Variants in ACTR3C observed in about 807,000 individuals in gnomAD.
The protein encoded by ACTR3C is actin-related protein 3C.
ACTR3C carries 18 observed loss-of-function variants against 26.3 expected under a neutral mutation model. The ratio of observed to expected loss-of-function variants is 0.68; its 90% CI spans 0.47 to 1.01. The LOEUF is 1.01. Among genes scored for constraint, ACTR3C ranks in the 50% least tolerant of loss-of-function variants. ACTR3C has a pLI of 0.00. For missense variants in ACTR3C, 184 were observed against 250.7 expected (o/e 0.73, Z 1.80); for synonymous variants, 55 against 94.5 (o/e 0.58, Z 2.42).
At chr7:150,184,758 T>C in the ACTR3C span, among the ~76,000 whole-genome samples, 1 of 149,216 alleles carries the variant, frequency 6.7e-6, no homozygotes, top group East Asian at 1.9e-4. Context: ...CTAAGGGGGT[T>C]TGAGCTCACA....
the ACTR3C span, among the ~76,000 whole-genome samples, chr7:150,178,354 C>T: frequency 3.4e-4 from 51 of 148,538 alleles, no homozygotes; most frequent in East Asian, 9.7e-3. Context: ...ACGATCTCAG[C>T]TCACTCCAAC....
the ACTR3C span, among the ~76,000 whole-genome samples, chr7:150,209,280 GAC>G: frequency 7.0e-6 from 1 of 142,570 alleles, no homozygotes; most frequent in African/African-American, 3.0e-5. Flanking sequence ...GAGAGAGAGA[GAC>G]AGAAACAGAG....
the ACTR3C span, among the ~76,000 whole-genome samples, chr7:149,943,784 A>G: frequency 6.8e-6 from 1 of 147,150 alleles, no homozygotes; most frequent in Non-Finnish European, 1.5e-5. Flanking sequence ...TTTGTTTTCT[A>G]TAATCCCAGA....
At chr7:150,008,067 T>G in the ACTR3C span, among the ~76,000 whole-genome samples, 1 of 152,154 alleles carries the variant, frequency 6.6e-6, no homozygotes, top group African/African-American at 2.4e-5. Context: ...AAGAAAAAAA[T>G]CACAATTCCT....
the ACTR3C span, among the ~76,000 whole-genome samples, chr7:150,189,434 C>T: frequency 1.3e-5 from 2 of 151,786 alleles, no homozygotes; most frequent in South Asian, 2.1e-4. Flanking sequence ...AACTCACCCT[C>T]ATGTTGTACA....
At chr7:150,085,212 C>G in the ACTR3C span, among the ~76,000 whole-genome samples, 2 of 152,172 alleles carry the variant, frequency 1.3e-5, no homozygotes, top group Non-Finnish European at 1.5e-5. Context: ...TTGCAGTTCA[C>G]TTACGAAGAT....
the ACTR3C span, among the ~76,000 whole-genome samples, chr7:150,231,578 CA>C: frequency 4.0e-5 from 6 of 150,230 alleles, no homozygotes; most frequent in Non-Finnish European, 8.9e-5. Flanking sequence ...AACTGTGAGC[CA>C]AATAAACCTC....
intron 1 of ACTR3C, among the ~76,000 whole-genome samples, chr7:150,307,011 T>C: frequency 6.6e-6 from 1 of 151,846 alleles, no homozygotes; most frequent in East Asian, 1.9e-4. Flanking sequence ...ATATAGATTA[T>C]GGTTTCATAT....
intron 1 of ACTR3C, among the ~76,000 whole-genome samples, chr7:150,297,973 G>A (rs1173591960): frequency 1.1e-4 from 16 of 145,580 alleles, no homozygotes; most frequent in Admixed American, 5.4e-4. Flanking sequence ...AAGAAGGAGA[G>A]AGTGTAAAGA....
At chr7:149,930,952 G>A in the ACTR3C span, among the ~76,000 whole-genome samples, 4 of 152,122 alleles carry the variant, frequency 2.6e-5, no homozygotes, top group African/African-American at 9.7e-5. Context: ...TGCAACCTCC[G>A]CCTCCTGGGT....
the ACTR3C span, chr7:150,047,824 T>G: frequency 6.6e-7 from 1 of 1,525,292 alleles, no homozygotes; most frequent in African/African-American, 1.4e-5. Context: ...GTGTTGATCT[T>G]GCCGGTGAAC....
At chr7:150,221,993 G>A in the ACTR3C span, among the ~76,000 whole-genome samples, 17 of 65,162 alleles carry the variant, frequency 2.6e-4, no homozygotes, top group Admixed American at 1.8e-4. Flanking sequence ...GAGAGACTCC[G>A]TCTCCAAAAA....
the ACTR3C span, among the ~76,000 whole-genome samples, chr7:150,198,761 G>T: frequency 1.6e-5 from 2 of 126,122 alleles, no homozygotes; most frequent in Non-Finnish European, 3.1e-5. Context: ...GTGGGGGGGG[G>T]TCAGCCCCCC....
At chr7:150,310,031 TC>T (rs1796164737) in intron 1 of ACTR3C, among the ~76,000 whole-genome samples, 1 of 152,132 alleles carries the variant, frequency 6.6e-6, no homozygotes, top group Non-Finnish European at 1.5e-5. Flanking sequence ...CTCTTAAAAT[TC>T]CCCCACTCTG....
chr7:150,047,627 G>A, the ACTR3C span: 1 of 1,042,528 alleles, frequency 9.6e-7, no homozygotes, highest in Non-Finnish European at 1.2e-6. Flanking sequence ...TGTCACCATC[G>A]CTCCGCGCCT....
the ACTR3C span, among the ~76,000 whole-genome samples, chr7:149,970,948 A>G: frequency 4.3e-4 from 65 of 152,312 alleles, no homozygotes; most frequent in East Asian, 0.011. Flanking sequence ...TAAGAACTGC[A>G]TTTGGTTCTT....
At chr7:150,070,948 C>T in the ACTR3C span, among the ~76,000 whole-genome samples, 2 of 148,884 alleles carry the variant, frequency 1.3e-5, no homozygotes, top group Non-Finnish European at 3.0e-5. Flanking sequence ...GCGCCCGCCA[C>T]CATGCCCAAC....
At chr7:150,113,833 C>G in the ACTR3C span, among the ~76,000 whole-genome samples, 4 of 152,082 alleles carry the variant, frequency 2.6e-5, no homozygotes, top group Non-Finnish European at 5.9e-5. Context: ...ATAATGTGAC[C>G]GTACTATAAA....
At chr7:149,971,113 A>T in the ACTR3C span, among the ~76,000 whole-genome samples, 11,702 of 152,214 alleles carry the variant, frequency 0.077, 1,290 homozygotes, top group African/African-American at 0.25. Flanking sequence ...CCAGAAGATG[A>T]TCTGTTTGTG....
Sources: allele counts gnomAD v4.1 joint callset (sites outside exome capture counted in the v4.1 genomes callset), GRCh38; gene constraint gnomAD v4.1.1; transcripts MANE v1.5; gene names NCBI Gene and HGNC (gene_info 2026-07-23, HGNC 2026-07-21).